Variants in AIG1 observed in about 807,000 individuals in gnomAD.
The protein encoded by AIG1 is androgen induced 1.
In AIG1, 23 loss-of-function variants were observed where a neutral mutation model predicts 31.4. The ratio of observed to expected loss-of-function variants is 0.73; its 90% confidence interval spans 0.53 to 1.04. The LOEUF (loss-of-function observed/expected upper bound fraction) is 1.04. Ranked by LOEUF, AIG1 falls within the 50% of genes least tolerant of loss-of-function variation. The pLI, the probability that AIG1 is intolerant of heterozygous loss-of-function variation, is 0.00. For missense variants in AIG1, 274 were observed against 295.0 expected, an observed-to-expected ratio of 0.93 and a Z score of 0.52; for synonymous variants, 100 against 110.5, an observed-to-expected ratio of 0.90 and a Z score of 0.60.
Position 143,299,760 on chromosome 6 carries a change from G to T in AIG1, c.515+15535G>T, listed in dbSNP as rs965519640. ...ACACATCAGCTCTGCTAAACTGCTT[G>T]TAGTTCCACGAACTCACCTCTGGGA... is the stretch of plus-strand genomic sequence containing the variant. On this transcript the variant is annotated intron_variant, in intron 4 of 5. Transcript: ENST00000357847. The surrounding 1 kb of genome is among the most constrained non-coding windows in gnomAD (Gnocchi z 4.1). Among the ~76,000 whole-genome samples, 23 of 152,150 alleles carry T rather than the reference G, an allele frequency of 1.5e-4. No individual in the cohort carries two copies. Among genetic ancestry groups the T allele is most frequent in the African/African-American group, 5.6e-4 (23 of 41,432 alleles).
At chr6:143,120,857 C>T (rs910171502) in intron 1 of AIG1, among the ~76,000 whole-genome samples, 4 of 152,126 alleles carry the variant, frequency 2.6e-5, no homozygotes, top group African/African-American at 9.7e-5. Context: ...TTCGTGATGG[C>T]CGTGATGCCC....
chr6:143,134,679 G>A (rs1783574559), intron 1 of AIG1, among the ~76,000 whole-genome samples: 1 of 151,900 alleles, frequency 6.6e-6, no homozygotes, highest in South Asian at 2.1e-4. Flanking sequence ...CCACAACTCA[G>A]AATTTTTGAC....
At chr6:143,262,751 G>A (rs1795882375) in intron 3 of AIG1, among the ~76,000 whole-genome samples, 1 of 152,090 alleles carries the variant, frequency 6.6e-6, no homozygotes, top group Non-Finnish European at 1.5e-5. Flanking sequence ...AAAGACTTAT[G>A]TTATCTAGTA....
rs531832010 is a variant in AIG1 at position 143,185,262 on chromosome 6, A to G, written c.399+20079A>G. 3.0e-4 allele frequency among the ~76,000 whole-genome samples: 45 copies of G among 151,868 alleles called. No individual in the cohort carries two copies. The South Asian group carries it at 8.8e-3, about 30-fold the overall frequency. On this transcript the variant is annotated intron_variant, in intron 3 of 5. Coordinates refer to ENST00000357847, the MANE Select transcript of AIG1 (RefSeq NM_016108.4). ...CTTTGATTCTGAATCTGATCTACTG[A>G]ATTTGTCCCCAAACTACCTGGTCCT... is the stretch of plus-strand genomic sequence containing the variant.
intron 3 of AIG1, among the ~76,000 whole-genome samples, chr6:143,231,751 C>T (rs1211754628): frequency 1.3e-5 from 2 of 152,172 alleles, no homozygotes; most frequent in South Asian, 2.1e-4. Flanking sequence ...AATAAATCTT[C>T]AAAATCTGGC....
chr6:143,070,143 A>C lies in AIG1; in HGVS notation c.141+9077A>C, dbSNP rs574287716. ...CTTTGTTCTTTTTCAAAATTTGTTT[A>C]TGCTATTCTAATTACTTTTCCTTTT... On this transcript the variant is annotated intron_variant, in intron 1 of 5. Coordinates refer to ENST00000357847, the MANE Select transcript of AIG1 (RefSeq NM_016108.4). Among the ~76,000 whole-genome samples, 9 of 152,330 alleles carry C rather than the reference A, an allele frequency of 5.9e-5. 1 individual carries two copies. The highest frequency in any genetic ancestry group is 1.7e-4 in the African/African-American group (7 of 41,574).
At chr6:143,175,858 T>A (rs899100452) in intron 3 of AIG1, among the ~76,000 whole-genome samples, 5 of 152,212 alleles carry the variant, frequency 3.3e-5, no homozygotes, top group African/African-American at 4.8e-5. Flanking sequence ...GCTACTGTGA[T>A]CTTTTGGTGG....
intron 3 of AIG1, chr6:143,189,292 G>C: frequency 1.7e-6 from 1 of 577,348 alleles, no homozygotes; most frequent in Non-Finnish European, 2.2e-6. Context: ...TGTTTCCCAG[G>C]CTGGTCTCGA....
Position 143,333,537 on chromosome 6 carries a change from C to A in AIG1, c.679+92C>A. ...AGGGAAAATTCCACTGTAGCCTCTT[C>A]TTTTAGCCTTCACACAGGATCTCCT... On this transcript the variant is annotated intron_variant, in intron 5 of 5. Transcript: ENST00000357847. The surrounding 1 kb of genome is among the most constrained non-coding windows in gnomAD (Gnocchi z 4.6). 7.5e-7 allele frequency: 1 copy of A among 1,332,732 alleles called. No homozygotes were observed. The highest frequency in any genetic ancestry group is 1.0e-6 in the Non-Finnish European group (1 of 972,018). The allele number at this position is 1,332,732 out of a possible 1,614,324, so 82.6% of individuals were successfully genotyped here.
At chr6:143,320,956 G>A (rs1776162458) in intron 4 of AIG1, among the ~76,000 whole-genome samples, 1 of 151,962 alleles carries the variant, frequency 6.6e-6, no homozygotes, top group Admixed American at 6.5e-5. Context: ...CAAGTAGCTG[G>A]GATTACAGGC....
chr6:143,163,054 T>A (rs1786557332), intron 2 of AIG1, among the ~76,000 whole-genome samples: 1 of 152,150 alleles, frequency 6.6e-6, no homozygotes, highest in African/African-American at 2.4e-5. Flanking sequence ...TCAGAGCAGA[T>A]CAGAGTGAGA....
intron 3 of AIG1, among the ~76,000 whole-genome samples, chr6:143,232,667 C>A (rs113000495): frequency 7.9e-5 from 12 of 152,264 alleles, no homozygotes; most frequent in African/African-American, 1.2e-4. Flanking sequence ...ATCACCATAA[C>A]CTGCTAATAA....
At chr6:143,189,277 C>G (rs1378001966) in intron 3 of AIG1, 2 of 514,952 alleles carry the variant, frequency 3.9e-6, no homozygotes, top group African/African-American at 4.2e-5. Context: ...ACAATGGCCT[C>G]ATTATGTTTC....
intron 3 of AIG1, among the ~76,000 whole-genome samples, chr6:143,249,320 C>T (rs557282182): frequency 6.6e-5 from 10 of 152,264 alleles, no homozygotes; most frequent in South Asian, 2.1e-4. Flanking sequence ...TATTCCTCGA[C>T]GACGACGATA....
chr6:143,121,607 T>C (rs929022026), intron 1 of AIG1, among the ~76,000 whole-genome samples: 9 of 152,172 alleles, frequency 5.9e-5, no homozygotes, highest in Non-Finnish European at 1.2e-4. Flanking sequence ...GCAATTCCAG[T>C]GTGTGTCTGG....
intron 3 of AIG1, chr6:143,187,611 C>T (rs1463829688): frequency 1.8e-5 from 27 of 1,535,952 alleles, no homozygotes; most frequent in South Asian, 7.1e-5. Context: ...AAAGATGTTG[C>T]GACCTTTCTT....
In AIG1 at chr6:143,248,412, TAA is replaced by T. The variant is rs1794766165; in HGVS notation, c.400-35697_400-35696del. ...CTCCAGTACCCTCAAATATAGGGTG[TAA>T]TTAGAGACACCAAGCTATAGCTTGT... On this transcript the variant is annotated intron_variant, in intron 3 of 5. Transcript: ENST00000357847. 5.3e-5 allele frequency among the ~76,000 whole-genome samples: 8 copies of T among 152,282 alleles called. No homozygotes were observed. In the South Asian group the frequency reaches 1.7e-3, roughly 32 times the overall value.
At chr6:143,307,939 G>A (rs545076426) in intron 4 of AIG1, among the ~76,000 whole-genome samples, 200 of 152,290 alleles carry the variant, frequency 1.3e-3, no homozygotes, top group Admixed American at 2.6e-3. Flanking sequence ...CCTCGCTGCC[G>A]CCTTGCAGTT....
chr6:143,269,677 T>C (rs1343425904), intron 3 of AIG1, among the ~76,000 whole-genome samples: 1 of 152,186 alleles, frequency 6.6e-6, no homozygotes, highest in African/African-American at 2.4e-5. Flanking sequence ...GCAATACAGA[T>C]GAATATCACA....
Sources: allele counts gnomAD v4.1 joint callset (sites outside exome capture counted in the v4.1 genomes callset), GRCh38; gene constraint gnomAD v4.1.1; non-coding constraint Gnocchi (gnomAD v3.1); transcripts MANE v1.5; gene names NCBI Gene and HGNC (gene_info 2026-07-23, HGNC 2026-07-21).